Variants in KCTD1 observed in about 807,000 individuals in gnomAD.
The protein encoded by KCTD1 is potassium channel tetramerization domain containing 1, also known as BTB/POZ domain-containing protein KCTD1.
In KCTD1, 24 loss-of-function variants were observed where a neutral mutation model predicts 66.0. That is an observed-to-expected ratio of 0.36 (90% CI 0.26 to 0.51). KCTD1 has a LOEUF of 0.51. KCTD1 is among the 20% of genes least tolerant of loss of function. The pLI, the probability that KCTD1 is intolerant of heterozygous loss-of-function variation, is 0.95. For missense variants in KCTD1, 943 were observed against 1,205.2 expected, an observed-to-expected ratio of 0.78 and a Z score of 3.22; for synonymous variants, 511 against 517.2, an observed-to-expected ratio of 0.99 and a Z score of 0.16.
At chr18:26,622,320 C>T (rs547251526) in intron 1 of KCTD1, among the ~76,000 whole-genome samples, 109 of 152,318 alleles carry the variant, frequency 7.2e-4, no homozygotes, top group African/African-American at 2.4e-3. Context: ...AAGTTTTCTT[C>T]AAGCTCTACA....
Position 26,523,265 on chromosome 18 carries a change from C to A in KCTD1, c.1810-22015G>T, listed in dbSNP as rs145562115. Among the ~76,000 whole-genome samples the A allele has an allele frequency of 1.6e-3, 236 of 152,228 alleles. 2 individuals are homozygous for A. Among genetic ancestry groups the A allele is most frequent in the African/African-American group, 5.2e-3 (215 of 41,520 alleles). ...GCACTGTTTGCCAAGCTTCCCTGAC[C>A]CTGGAACTCTATTTCTTTAGATACC... On this transcript the variant is annotated intron_variant, in intron 1 of 4. Transcript: ENST00000580059.
chr18:26,621,665 T>C (rs1260030375), intron 1 of KCTD1, among the ~76,000 whole-genome samples: 2 of 152,226 alleles, frequency 1.3e-5, no homozygotes, highest in South Asian at 4.1e-4. Flanking sequence ...ACCTGTTGGC[T>C]CTTGGTCTTT....
chr18:26,582,766 G>A (rs1223265452), intron 1 of KCTD1, among the ~76,000 whole-genome samples: 5 of 151,568 alleles, frequency 3.3e-5, no homozygotes, highest in Non-Finnish European at 7.4e-5. Flanking sequence ...CGTTAAGTAT[G>A]AAAAAGTAGA....
upstream of KCTD1, among the ~76,000 whole-genome samples, chr18:26,550,471 G>A (rs1182423567): frequency 1.3e-5 from 2 of 151,950 alleles, no homozygotes; most frequent in African/African-American, 4.8e-5. This position sits in a 1 kb window ranked among gnomAD's most constrained non-coding sequence, Gnocchi z 5.4. Context: ...CGCCACCCGA[G>A]CTTCGGGGAA....
In KCTD1 at chr18:26,460,121, A is replaced by G. The variant is rs556117225; in HGVS notation, c.2134-196T>C. Among the ~76,000 whole-genome samples the G allele has an allele frequency of 2.6e-5, 4 of 152,320 alleles. No individual in the cohort carries two copies. In the South Asian group the frequency reaches 6.2e-4, roughly 24 times the overall value. On this transcript the variant is annotated intron_variant, in intron 3 of 4. Coordinates refer to ENST00000580059, the MANE Select transcript of KCTD1 (RefSeq NM_001142730.3). ...CATTCATTCATTCAGTGAAGATAAA[A>G]GGAGCTGAGTAGATTAGGGCTGGTC...
In KCTD1 at chr18:26,600,296, C is replaced by A. The variant is rs942247749; in HGVS notation, c.-16+28851G>T. The stretch of plus-strand genomic sequence containing the variant: ...TACCTTGGGATGCCAGCCTTCAAAC[C>A]TGGGGAAAAGGCACTTCTGAGCAAT... On this transcript the variant is annotated intron_variant, in intron 1 of 4. Transcript: ENST00000317932. 1.0e-5 allele frequency: 16 copies of A among 1,603,624 alleles called. No individual in the cohort carries two copies. The African/African-American group carries it at 2.1e-4, about 21-fold the overall frequency.
upstream of KCTD1, among the ~76,000 whole-genome samples, chr18:26,550,328 A>T (rs1398984519): frequency 6.6e-6 from 1 of 150,700 alleles, no homozygotes; most frequent in Non-Finnish European, 1.5e-5. The surrounding 1 kb of genome is among the most constrained non-coding windows in gnomAD (Gnocchi z 5.4). Flanking sequence ...CCATCCATCA[A>T]TTTGCATTTT....
At chr18:26,616,313 C>T (rs1987252776) in intron 1 of KCTD1, among the ~76,000 whole-genome samples, 3 of 151,904 alleles carry the variant, frequency 2.0e-5, no homozygotes, top group African/African-American at 7.3e-5. Context: ...CCACAGGTGG[C>T]CTTCCTCATG....
At chr18:26,530,421 ACATC>A (rs1984380673) in intron 1 of KCTD1, among the ~76,000 whole-genome samples, 1 of 152,226 alleles carries the variant, frequency 6.6e-6, no homozygotes, top group Non-Finnish European at 1.5e-5. Context: ...GAGGAAAAGG[ACATC>A]CATATAGACC....
intron 1 of KCTD1, chr18:26,599,582 T>G: frequency 6.6e-7 from 1 of 1,506,248 alleles, no homozygotes; most frequent in South Asian, 1.1e-5. Flanking sequence ...AGAATCCAGC[T>G]TTGACATTAT....
intron 1 of KCTD1, among the ~76,000 whole-genome samples, chr18:26,626,964 T>C (rs1987515266): frequency 6.6e-6 from 1 of 152,114 alleles, no homozygotes. Context: ...AAATAAAAAG[T>C]ATGGAATAAT....
At chr18:26,546,152 T>G (rs1301697533) in intron 1 of KCTD1, among the ~76,000 whole-genome samples, 1 of 151,520 alleles carries the variant, frequency 6.6e-6, no homozygotes, top group Admixed American at 6.6e-5. Context: ...CACTGCCAGT[T>G]TACATTCAAC....
intron 1 of KCTD1, among the ~76,000 whole-genome samples, chr18:26,623,642 TC>T (rs1208439371): frequency 3.9e-5 from 6 of 152,188 alleles, no homozygotes; most frequent in Non-Finnish European, 7.3e-5. Flanking sequence ...TAAACCTCTT[TC>T]CTTTATAAAT....
intron 3 of KCTD1, among the ~76,000 whole-genome samples, chr18:26,473,131 C>T (rs79355673): frequency 0.017 from 2,540 of 152,256 alleles, 37 homozygotes; most frequent in Middle Eastern, 0.065. Flanking sequence ...CAAAAGTTAT[C>T]ATGCCAAGAA....
upstream of KCTD1, among the ~76,000 whole-genome samples, chr18:26,640,818 A>G (rs118094467): frequency 7.6e-4 from 115 of 152,224 alleles, no homozygotes; most frequent in Non-Finnish European, 1.4e-3. Context: ...GGTTTGTTCT[A>G]AAGTCAAGGA....
At chr18:26,553,975 A>G (rs1420627240) in intron 1 of KCTD1, among the ~76,000 whole-genome samples, 1 of 151,962 alleles carries the variant, frequency 6.6e-6, no homozygotes, top group African/African-American at 2.4e-5. Flanking sequence ...AAAGAGAGAC[A>G]GAGAGAAAGA....
At chr18:26,582,283 A>G (rs915893625) in intron 1 of KCTD1, among the ~76,000 whole-genome samples, 2 of 152,026 alleles carry the variant, frequency 1.3e-5, no homozygotes, top group Non-Finnish European at 2.9e-5. Flanking sequence ...AAAAAAAAAA[A>G]AAAGTCAGCA....
At chr18:26,508,728 T>TCACA (rs33932453) in intron 1 of KCTD1, among the ~76,000 whole-genome samples, 2 of 150,506 alleles carry the variant, frequency 1.3e-5, no homozygotes, top group East Asian at 3.9e-4. Context: ...TCTCTCTCTC[T>TCACA]CACACACACA....
rs375437442 is a variant in KCTD1 at position 26,580,825 on chromosome 18, C to T, written c.-16+48322G>A. ...GATAAATCAGTAGTATACTTTGTGA[C>T]GAGAAAATGTTATAAAATTCAAATT... On this transcript the variant is annotated intron_variant, in intron 1 of 4. Coordinates refer to the KCTD1 transcript ENST00000317932. 2.5e-4 allele frequency among the ~76,000 whole-genome samples: 38 copies of T among 152,218 alleles called. 1 individual carries two copies. Among genetic ancestry groups the T allele is most frequent in the Admixed American group, 1.3e-3 (20 of 15,282 alleles).
Sources: allele counts gnomAD v4.1 joint callset (sites outside exome capture counted in the v4.1 genomes callset), GRCh38; gene constraint gnomAD v4.1.1; non-coding constraint Gnocchi (gnomAD v3.1); transcripts MANE v1.5; gene names NCBI Gene and HGNC (gene_info 2026-07-23, HGNC 2026-07-21).